DMD: variants seen among roughly 807,000 people sequenced by gnomAD.
DMD encodes the protein mutant dystrophin.
A neutral mutation model predicts 330.1 loss-of-function variants in DMD; 63 were observed. That is an observed-to-expected ratio of 0.19 (90% CI 0.16 to 0.24). The LOEUF (loss-of-function observed/expected upper bound fraction) is 0.24, where lower values mean the gene tolerates loss of function less well. Ranked by LOEUF, DMD falls within the 10% of genes least tolerant of loss-of-function variation. DMD has a pLI of 1.00. For missense variants in DMD, 3,344 were observed against 2,684.1 expected, an observed-to-expected ratio of 1.25 and a Z score of -5.43; for synonymous variants, 1,223 against 959.8, an observed-to-expected ratio of 1.27 and a Z score of -5.07.
intron 38 of DMD, among the ~76,000 whole-genome samples, chrX:32,347,508 C>T (rs1467407480): frequency 8.9e-6 from 1 of 111,754 alleles, no homozygotes; most frequent in Non-Finnish European, 1.9e-5. Flanking sequence ...CACCAAACCC[C>T]ATACATGGGG....
At chrX:33,242,250 C>T (rs939813927) in intron 1 of DMD, among the ~76,000 whole-genome samples, 1 of 111,321 alleles carries the variant, frequency 9.0e-6, no homozygotes, top group Non-Finnish European at 1.9e-5. Flanking sequence ...AGTCTTTTAT[C>T]CCTTGCCTCC....
chrX:31,359,313 A>G (rs916380234), intron 60 of DMD, among the ~76,000 whole-genome samples: 3 of 112,303 alleles, frequency 2.7e-5, no homozygotes, highest in Non-Finnish European at 5.6e-5. Flanking sequence ...TGATTTAGTT[A>G]ATTTGAGGCT....
rs1234229216 is a variant in DMD, at chrX:32,386,539, A to C, written c.4519-74T>G. 6.5e-6 allele frequency: 6 copies of C among 928,779 alleles called. 1 individual carries two copies. The South Asian group carries it at 1.1e-4, about 17-fold the overall frequency. The allele number at this position is 928,779 out of a possible 1,213,427, so 76.5% of individuals were successfully genotyped here. ...TTTCATAATATTATGAACAGAAATA[A>C]ATAGAGATCCCCTTAATTGCTATTC... On this transcript the variant is annotated intron_variant, in intron 32 of 78. Coordinates refer to ENST00000357033, the MANE Select transcript of DMD (RefSeq NM_004006.3).
At chrX:33,206,906 A>AT (rs759971548) in intron 1 of DMD, among the ~76,000 whole-genome samples, 2 of 110,053 alleles carry the variant, frequency 1.8e-5, no homozygotes, top group Non-Finnish European at 3.8e-5. Context: ...CTACAAGTGC[A>AT]GGTTTGTTAC....
intron 30 of DMD, among the ~76,000 whole-genome samples, chrX:32,394,493 C>T (rs1230087742): frequency 8.9e-6 from 1 of 112,000 alleles, no homozygotes; most frequent in African/African-American, 3.2e-5. Context: ...TAGTCAACTA[C>T]ATTGGTTTTG....
At chrX:32,252,765 T>TATAA (rs2097275011) in intron 43 of DMD, among the ~76,000 whole-genome samples, 2 of 38,821 alleles carry the variant, frequency 5.2e-5, no homozygotes, top group African/African-American at 3.7e-4. Context: ...AATATATAAA[T>TATAA]ATATATAAAT....
chrX:32,117,433 T>C (rs938335920), intron 44 of DMD, among the ~76,000 whole-genome samples: 2 of 112,125 alleles, frequency 1.8e-5, no homozygotes, highest in African/African-American at 6.5e-5. Flanking sequence ...GTCCCAGCAG[T>C]GCCCCCTCTT....
chrX:33,108,178 G>T (rs952515477), intron 1 of DMD, among the ~76,000 whole-genome samples: 5 of 106,931 alleles, frequency 4.7e-5, no homozygotes, highest in Admixed American at 4.0e-4. Context: ...ATTTTATTAG[G>T]TTTTTTTTTC....
intron 49 of DMD, among the ~76,000 whole-genome samples, chrX:31,835,790 A>C (rs1054223774): frequency 1.8e-5 from 2 of 111,830 alleles, no homozygotes; most frequent in African/African-American, 6.5e-5. Context: ...TTGCAAGGAC[A>C]AACTGGTTCT....
intron 27 of DMD, among the ~76,000 whole-genome samples, chrX:32,442,530 T>C (rs1330344229): frequency 1.8e-5 from 2 of 110,543 alleles, no homozygotes; most frequent in East Asian, 5.7e-4. Context: ...TGAACAAAAA[T>C]TTGTATTTAT....
At chrX:32,758,930 T>C (rs953210289) in intron 7 of DMD, among the ~76,000 whole-genome samples, 5 of 111,951 alleles carry the variant, frequency 4.5e-5, no homozygotes, top group South Asian at 3.7e-4. Context: ...TAAAATGCCC[T>C]CTTTTACTTC....
At chrX:32,502,045 T>C (rs1470685703) in intron 18 of DMD, among the ~76,000 whole-genome samples, 1 of 112,146 alleles carries the variant, frequency 8.9e-6, no homozygotes, top group African/African-American at 3.2e-5. Context: ...CATGACTTGC[T>C]ACAACTTTTA....
At chrX:31,504,342 T>C (rs1275361631) in intron 56 of DMD, among the ~76,000 whole-genome samples, 1 of 111,905 alleles carries the variant, frequency 8.9e-6, no homozygotes, top group African/African-American at 3.2e-5. Flanking sequence ...AAAGGGAAAC[T>C]TCGAAATCAT....
intron 44 of DMD, among the ~76,000 whole-genome samples, chrX:32,034,369 T>C (rs141610463): frequency 0.037 from 4,159 of 111,922 alleles, 74 homozygotes; most frequent in Non-Finnish European, 0.06. Flanking sequence ...TTAAATGTAA[T>C]TGAATAACCT....
At chrX:32,345,542 A>G (rs1039026283) in intron 39 of DMD, among the ~76,000 whole-genome samples, 18 of 111,681 alleles carry the variant, frequency 1.6e-4, no homozygotes, top group African/African-American at 5.5e-4. Flanking sequence ...TTACCAAAAA[A>G]TTGGACCTAA....
At chrX:32,005,366 C>T (rs138869275) in intron 44 of DMD, among the ~76,000 whole-genome samples, 1,326 of 111,037 alleles carry the variant, frequency 0.012, 19 homozygotes, top group African/African-American at 0.041. Context: ...ACTGAGACCA[C>T]GCGGGCCAAA....
chrX:32,748,421 T>C (rs2148258515), intron 7 of DMD, among the ~76,000 whole-genome samples: 1 of 110,511 alleles, frequency 9.0e-6, no homozygotes, highest in South Asian at 3.9e-4. Flanking sequence ...TTAATCCTGT[T>C]ATACAGATAA....
chrX:33,282,565 A>G (rs2053352458), intron 1 of DMD, among the ~76,000 whole-genome samples: 1 of 111,844 alleles, frequency 8.9e-6, no homozygotes, highest in Non-Finnish European at 1.9e-5. Context: ...CTGTAGGGAC[A>G]AAGAGGCTTC....
chrX:32,202,730 T>C (rs2097046762), intron 44 of DMD, among the ~76,000 whole-genome samples: 1 of 112,313 alleles, frequency 8.9e-6, no homozygotes, highest in African/African-American at 3.2e-5. Context: ...TTAAAAATGA[T>C]TGTCATGTGG....
Sources: allele counts gnomAD v4.1 joint callset (sites outside exome capture counted in the v4.1 genomes callset), GRCh38; gene constraint gnomAD v4.1.1; transcripts MANE v1.5; gene names NCBI Gene and HGNC (gene_info 2026-07-23, HGNC 2026-07-21).